CACNB2: variants seen among roughly 807,000 people sequenced by gnomAD.
The protein encoded by CACNB2 is voltage-dependent L-type calcium channel subunit beta-2.
Under a neutral mutation model 73.3 loss-of-function variants are expected in CACNB2, and 42 were observed. That is an observed-to-expected ratio of 0.57 (90% CI 0.45 to 0.74). CACNB2 has a LOEUF of 0.74. CACNB2 is among the 30% of genes least tolerant of loss of function. The probability of loss-of-function intolerance (pLI) is 0.00; values close to 1 mark genes in which losing one functional copy is unlikely to be tolerated. For missense variants in CACNB2, 940 were observed against 853.0 expected (o/e 1.10, Z -1.27); for synonymous variants, 348 against 310.3 (o/e 1.12, Z -1.28).
chr10:18,539,627 A>C lies in CACNB2; in HGVS notation c.1886A>C (p.Lys629Thr). ...NECNKQRSRHKSKDRYCEKDG... is the reference protein window; with the variant it reads ...NECNKQRSRHTSKDRYCEKDG... ...TGCAACAAGCAGCGCAGCCGTCATAAATCCAAGGATCGCTACTGTGAAAAG... is the reference window on the plus strand; with the variant it reads ...TGCAACAAGCAGCGCAGCCGTCATACATCCAAGGATCGCTACTGTGAAAAG... The change falls in exon 14 of 14, where the codon AAA becomes ACA. Residue 629 changes from lysine to threonine, a missense_variant. Coordinates refer to ENST00000324631, the MANE Select transcript of CACNB2 (RefSeq NM_201596.3). 1 of 1,613,784 alleles carries C rather than the reference A, an allele frequency of 6.2e-7. No homozygotes were observed. Among genetic ancestry groups the C allele is most frequent in the Non-Finnish European group, 8.5e-7 (1 of 1,179,846 alleles).
intron 3 of CACNB2, among the ~76,000 whole-genome samples, chr10:18,444,438 G>A (rs1300407814): frequency 6.6e-6 from 1 of 152,132 alleles, no homozygotes; most frequent in Non-Finnish European, 1.5e-5. Flanking sequence ...TTTATACAAA[G>A]AGCTTACCAT....
chr10:18,456,208 C>A (rs901301755), intron 3 of CACNB2, among the ~76,000 whole-genome samples: 4 of 152,148 alleles, frequency 2.6e-5, no homozygotes, highest in Non-Finnish European at 4.4e-5. Flanking sequence ...CGGTGGCTCA[C>A]ACCTGTGATC....
chr10:18,215,786 G>A (rs916729012), intron 2 of CACNB2, among the ~76,000 whole-genome samples: 6 of 152,198 alleles, frequency 3.9e-5, no homozygotes, highest in African/African-American at 9.6e-5. Flanking sequence ...AATTTTCCGC[G>A]TCCCTCCACT....
intron 2 of CACNB2, among the ~76,000 whole-genome samples, chr10:18,284,008 T>C (rs1440307034): frequency 1.3e-5 from 2 of 151,956 alleles, no homozygotes; most frequent in Non-Finnish European, 2.9e-5. Context: ...CCAGCCTATA[T>C]GTAAGAATAA....
At chr10:18,161,477 GCACATCT>G (rs1273347308) in intron 2 of CACNB2, among the ~76,000 whole-genome samples, 1 of 151,972 alleles carries the variant, frequency 6.6e-6, no homozygotes, top group Non-Finnish European at 1.5e-5. Context: ...TTCTTGGAAA[GCACATCT>G]CTGAGCCAGG....
chr10:18,289,574 A>G (rs540388228), intron 2 of CACNB2, among the ~76,000 whole-genome samples: 3 of 152,146 alleles, frequency 2.0e-5, no homozygotes, highest in East Asian at 3.9e-4. Flanking sequence ...GATTACAGGC[A>G]TGAGCCACCG....
At chr10:18,204,107 C>G (rs1449824560) in intron 2 of CACNB2, among the ~76,000 whole-genome samples, 3 of 152,124 alleles carry the variant, frequency 2.0e-5, no homozygotes, top group Non-Finnish European at 1.5e-5. Flanking sequence ...ACAAAGAGAC[C>G]TACTGCAGAC....
intron 2 of CACNB2, among the ~76,000 whole-genome samples, chr10:18,258,755 CA>C (rs1194650192): frequency 3.3e-5 from 5 of 150,360 alleles, no homozygotes; most frequent in Admixed American, 6.6e-5. Flanking sequence ...AAACAAAAAA[CA>C]AAAAAAAACT....
At chr10:18,494,885 A>G (rs564849140) in intron 3 of CACNB2, among the ~76,000 whole-genome samples, 11 of 152,148 alleles carry the variant, frequency 7.2e-5, no homozygotes, top group Admixed American at 5.2e-4. Context: ...ACACAGCAAT[A>G]CCCTGTCTCT....
intron 3 of CACNB2, among the ~76,000 whole-genome samples, chr10:18,435,783 A>C (rs2046103596): frequency 6.6e-6 from 1 of 152,146 alleles, no homozygotes; most frequent in Admixed American, 6.6e-5. Context: ...TACAAGCATG[A>C]GCCACTCCAC....
chr10:18,141,600 G>C (rs1588526825), intron 1 of CACNB2, among the ~76,000 whole-genome samples: 1 of 152,276 alleles, frequency 6.6e-6, no homozygotes, highest in African/African-American at 2.4e-5. Flanking sequence ...TCTGGAAAAA[G>C]TCAGCTTCGC....
At chr10:18,530,905 GC>G (rs2052954857) in intron 10 of CACNB2, among the ~76,000 whole-genome samples, 1 of 152,132 alleles carries the variant, frequency 6.6e-6, no homozygotes, top group Non-Finnish European at 1.5e-5. Context: ...CTTCACTTCT[GC>G]CCCCCAAGCC....
chr10:18,482,506 TTTTTGTTTG>T (rs1186452394), intron 3 of CACNB2, among the ~76,000 whole-genome samples: 3 of 151,896 alleles, frequency 2.0e-5, no homozygotes, highest in Non-Finnish European at 4.4e-5. Flanking sequence ...TTTTTTCTGT[TTTTTGTTTG>T]TTTTGTTTGT....
chr10:18,225,220 A>G (rs1390917374), intron 2 of CACNB2, among the ~76,000 whole-genome samples: 2 of 151,894 alleles, frequency 1.3e-5, no homozygotes, highest in African/African-American at 2.4e-5. Context: ...AATATCAGAT[A>G]TTACAAAATC....
intron 2 of CACNB2, among the ~76,000 whole-genome samples, chr10:18,169,118 A>C (rs563629976): frequency 2.8e-4 from 42 of 152,066 alleles, no homozygotes; most frequent in Non-Finnish European, 5.3e-4. Flanking sequence ...AAAATCGAGC[A>C]TGATCATACT....
intron 2 of CACNB2, among the ~76,000 whole-genome samples, chr10:18,346,371 C>G (rs1488508401): frequency 6.6e-6 from 1 of 152,002 alleles, no homozygotes; most frequent in Non-Finnish European, 1.5e-5. Context: ...AACTCCTGAC[C>G]TCGAGTTCCA....
intron 3 of CACNB2, among the ~76,000 whole-genome samples, chr10:18,409,800 G>A (rs966003189): frequency 1.2e-4 from 18 of 152,064 alleles, no homozygotes; most frequent in Non-Finnish European, 2.1e-4. Flanking sequence ...CTATTGGACC[G>A]CTCACAGGCT....
At chr10:18,450,003 A>T (rs1173647545) in intron 3 of CACNB2, among the ~76,000 whole-genome samples, 1 of 152,230 alleles carries the variant, frequency 6.6e-6, no homozygotes, top group Admixed American at 6.5e-5. Flanking sequence ...ATGAGGCAGA[A>T]AGAAAGCACT....
At chr10:18,288,808 G>A (rs868406409) in intron 2 of CACNB2, among the ~76,000 whole-genome samples, 3 of 152,082 alleles carry the variant, frequency 2.0e-5, no homozygotes, top group Admixed American at 6.6e-5. Flanking sequence ...ACTTTGGGGG[G>A]CCAAGGTGGG....
Sources: gnomAD v4.1 joint callset for allele counts (sites outside exome capture counted in the v4.1 genomes callset) on GRCh38, gnomAD v4.1.1 for gene constraint, MANE v1.5 for transcripts, NCBI Gene and HGNC (gene_info 2026-07-23, HGNC 2026-07-21) for gene names.